Variants in RNLS observed in about 807,000 individuals in gnomAD.
RNLS encodes the protein renalase, FAD dependent amine oxidase, also known as renalase.
RNLS carries 39 observed loss-of-function variants against 39.8 expected under a neutral mutation model. That is an observed-to-expected ratio of 0.98 (90% CI 0.76 to 1.28). The LOEUF (loss-of-function observed/expected upper bound fraction) is 1.28. RNLS is among the 50% of genes most tolerant of loss of function. The pLI is 0.00. For synonymous variants in RNLS, 147 were observed against 150.7 expected, an observed-to-expected ratio of 0.98 and a Z score of 0.18; for missense variants, 410 against 413.3, an observed-to-expected ratio of 0.99 and a Z score of 0.07.
the RNLS span, among the ~76,000 whole-genome samples, chr10:88,198,238 A>G: frequency 0.73 from 111,134 of 152,018 alleles, 41,007 homozygotes; most frequent in Non-Finnish European, 0.79. Context: ...ACAGCCACCA[A>G]CGTGTAGAGA....
chr10:88,371,265 G>A (rs530418995), intron 4 of RNLS, among the ~76,000 whole-genome samples: 1 of 151,980 alleles, frequency 6.6e-6, no homozygotes, highest in Non-Finnish European at 1.5e-5. Flanking sequence ...CAACATGACC[G>A]TACTTGATTT....
In RNLS at chr10:88,337,605, A is replaced by G. The variant is rs182303264; in HGVS notation, c.701-22964T>C. Among the ~76,000 whole-genome samples the G allele has an allele frequency of 4.6e-5, 7 of 152,332 alleles. No homozygotes were observed. In the East Asian group the frequency reaches 1.3e-3, roughly 29 times the overall value. On this transcript the variant is annotated intron_variant, in intron 5 of 6. Transcript: ENST00000331772. ...CATACTTGGCATTGAAATCCTTGGT[A>G]CTACCTGGTGTCATCATGAATGAAT...
Position 88,362,680 on chromosome 10 carries a change from G to C in RNLS, c.572C>G (p.Ser191Cys), listed in dbSNP as rs112858030. ...QRQQLEAVSY[S>C]SRYALGLFYE... ...AAAGAGGCCCAGAGCATATCGAGAGGAGTAGCTCACAGCCTCCAGTTGCTG... is the reference window on the plus strand; with the variant it reads ...AAAGAGGCCCAGAGCATATCGAGAGCAGTAGCTCACAGCCTCCAGTTGCTG... The change falls in exon 5 of 7, where the codon TCC (serine) becomes TGC (cysteine). Residue 191 changes from serine to cysteine, a missense_variant. Physicochemically the swap from Ser to Cys is moderately radical, Grantham distance 112. Transcript: ENST00000331772. The C allele has an allele frequency of 6.2e-7, 1 of 1,613,864 alleles. No individual in the cohort carries two copies. Among genetic ancestry groups the C allele is most frequent in the South Asian group, 1.1e-5 (1 of 91,062 alleles).
At chr10:88,225,490 G>C in the RNLS span, among the ~76,000 whole-genome samples, 1 of 152,230 alleles carries the variant, frequency 6.6e-6, no homozygotes, top group Non-Finnish European at 1.5e-5. Context: ...AAGATGGGAG[G>C]CTTGCTTAAG....
intron 4 of RNLS, among the ~76,000 whole-genome samples, chr10:88,460,939 T>C (rs1842905294): frequency 6.6e-6 from 1 of 152,116 alleles, no homozygotes; most frequent in Non-Finnish European, 1.5e-5. Flanking sequence ...GGCCTGTCTA[T>C]ACTGGGCCTG....
At chr10:88,207,204 G>A in the RNLS span, among the ~76,000 whole-genome samples, 1 of 152,044 alleles carries the variant, frequency 6.6e-6, no homozygotes, top group Non-Finnish European at 1.5e-5. Flanking sequence ...AATTAAAAAC[G>A]TATGTTACTG....
At chr10:88,505,253 C>T (rs1284694665) in intron 4 of RNLS, among the ~76,000 whole-genome samples, 1 of 150,322 alleles carries the variant, frequency 6.7e-6, no homozygotes, top group Non-Finnish European at 1.5e-5. Context: ...GAAAAGGACA[C>T]AGGAGAGGTT....
intron 4 of RNLS, among the ~76,000 whole-genome samples, chr10:88,558,829 A>T (rs1243969263): frequency 6.6e-6 from 1 of 152,228 alleles, no homozygotes; most frequent in Non-Finnish European, 1.5e-5. Context: ...TAATTAATAC[A>T]TTAAAAATGT....
chr10:88,195,850 A>G, the RNLS span, among the ~76,000 whole-genome samples: 1 of 152,184 alleles, frequency 6.6e-6, no homozygotes, highest in East Asian at 1.9e-4. Flanking sequence ...ACTCAACAAA[A>G]TGTAAATACA....
chr10:88,381,625 T>C (rs1851502408), intron 4 of RNLS, among the ~76,000 whole-genome samples: 1 of 152,036 alleles, frequency 6.6e-6, no homozygotes, highest in Non-Finnish European at 1.5e-5. Context: ...CTTTGAATTA[T>C]AGATTACACT....
intron 4 of RNLS, among the ~76,000 whole-genome samples, chr10:88,424,533 T>C (rs1854598249): frequency 1.3e-5 from 2 of 152,110 alleles, no homozygotes; most frequent in South Asian, 4.1e-4. Context: ...CTAAAAGAGA[T>C]GGCTCTATGC....
rs1439426785 is a variant in RNLS at position 88,305,584 on chromosome 10, G to A, written c.876+8882C>T. 3.3e-5 allele frequency among the ~76,000 whole-genome samples: 5 copies of A among 151,960 alleles called. 1 individual carries two copies. Among genetic ancestry groups the A allele is most frequent in the Non-Finnish European group, 7.4e-5 (5 of 67,970 alleles). On this transcript the variant is annotated intron_variant, in intron 6 of 6. Transcript: ENST00000331772. ...AAACCAACAAAGATAAAAAAAGAAG[G>A]GCATTACATAATGGTAAGGGGTTCA...
At chr10:88,319,394 A>G (rs554026710) in intron 5 of RNLS, among the ~76,000 whole-genome samples, 1 of 152,302 alleles carries the variant, frequency 6.6e-6, no homozygotes, top group South Asian at 2.1e-4. Flanking sequence ...GACACCTCCA[A>G]AGTATTTCAT....
intron 4 of RNLS, among the ~76,000 whole-genome samples, chr10:88,448,189 A>G (rs942436235): frequency 6.6e-6 from 1 of 152,244 alleles, no homozygotes; most frequent in Non-Finnish European, 1.5e-5. Flanking sequence ...GCTTCTGCAC[A>G]GCAAAAGAAA....
At chr10:88,443,943 T>C (rs1265197167) in intron 4 of RNLS, among the ~76,000 whole-genome samples, 1 of 152,238 alleles carries the variant, frequency 6.6e-6, no homozygotes, top group Non-Finnish European at 1.5e-5. Flanking sequence ...CAGACTTAAA[T>C]GTCCCTGTCT....
intron 4 of RNLS, among the ~76,000 whole-genome samples, chr10:88,539,099 A>G (rs891380310): frequency 8.5e-5 from 13 of 152,196 alleles, no homozygotes; most frequent in Admixed American, 7.9e-4. Context: ...AAGATGGACA[A>G]TGGATAAATT....
intron 4 of RNLS, among the ~76,000 whole-genome samples, chr10:88,540,160 T>C (rs937741457): frequency 1.3e-5 from 2 of 152,174 alleles, no homozygotes; most frequent in African/African-American, 4.8e-5. Flanking sequence ...AACTGCAATA[T>C]GCTACGCTAT....
At chr10:88,250,088 C>A in the RNLS span, among the ~76,000 whole-genome samples, 1 of 152,208 alleles carries the variant, frequency 6.6e-6, no homozygotes, top group Non-Finnish European at 1.5e-5. Context: ...CCAATTAGAG[C>A]TGGTCTTTGT....
At chr10:88,310,801 C>CAAAAAAAAAAAAAAAAAAAAAAAAAA (rs577838661) in intron 6 of RNLS, among the ~76,000 whole-genome samples, 21 of 19,600 alleles carry the variant, frequency 1.1e-3, no homozygotes, top group Non-Finnish European at 1.5e-3. Flanking sequence ...CTACCTCTGC[C>CAAAAAAAAAAAAAAAAAAAAAAAAAA]AAAAAAAAAA....
Sources: gnomAD v4.1 joint callset for allele counts (sites outside exome capture counted in the v4.1 genomes callset) on GRCh38, gnomAD v4.1.1 for gene constraint, MANE v1.5 for transcripts, NCBI Gene and HGNC (gene_info 2026-07-23, HGNC 2026-07-21) for gene names.